Variants in CHD9 observed in about 807,000 individuals in gnomAD.
CHD9 encodes chromodomain helicase DNA binding protein 9.
Under a neutral mutation model 316.1 loss-of-function variants are expected in CHD9, and 77 were observed. The ratio of observed to expected loss-of-function variants is 0.24; its 90% CI spans 0.20 to 0.29. The LOEUF (loss-of-function observed/expected upper bound fraction) is 0.29. Ranked by LOEUF, CHD9 falls within the 10% of genes least tolerant of loss-of-function variation. The pLI is 1.00. For synonymous variants in CHD9, 1,129 were observed against 1,158.3 expected, an observed-to-expected ratio of 0.97 and a Z score of 0.51; for missense variants, 2,763 against 3,438.1, an observed-to-expected ratio of 0.80 and a Z score of 4.91.
chr16:53,063,042 A>G (rs554169010), intron 1 of CHD9, among the ~76,000 whole-genome samples: 3 of 152,258 alleles, frequency 2.0e-5, no homozygotes, highest in South Asian at 2.1e-4. Context: ...ATAAAAAATA[A>G]AAGAATTTTA....
At chr16:53,166,934 C>T (rs940684248) in intron 2 of CHD9, among the ~76,000 whole-genome samples, 1 of 152,036 alleles carries the variant, frequency 6.6e-6, no homozygotes, top group Non-Finnish European at 1.5e-5. Context: ...AATTTTTGAC[C>T]TGAACATGGT....
intron 1 of CHD9, among the ~76,000 whole-genome samples, chr16:53,104,811 C>CA (rs11391135): frequency 0.37 from 41,600 of 113,342 alleles, 7,656 homozygotes; most frequent in African/African-American, 0.58. Context: ...AACTCTGTCT[C>CA]AAAAAAAAAA....
At chr16:53,146,883 A>G (rs918630056) in intron 1 of CHD9, among the ~76,000 whole-genome samples, 2 of 151,886 alleles carry the variant, frequency 1.3e-5, no homozygotes, top group Admixed American at 1.3e-4. Flanking sequence ...CATAAACTCA[A>G]TGTCCAAATA....
intron 1 of CHD9, among the ~76,000 whole-genome samples, chr16:53,066,137 A>C (rs2033483836): frequency 6.6e-6 from 1 of 152,060 alleles, no homozygotes; most frequent in African/African-American, 2.4e-5. Flanking sequence ...CAGTTCCATC[A>C]CTTACTGGTT....
chr16:53,197,404 T>C (rs995279690), intron 2 of CHD9, among the ~76,000 whole-genome samples: 21 of 152,200 alleles, frequency 1.4e-4, no homozygotes, highest in Admixed American at 1.2e-3. Flanking sequence ...GATGTTTGTG[T>C]AGTCTACCTG....
intron 38 of CHD9, among the ~76,000 whole-genome samples, chr16:53,322,218 A>G (rs1355839874): frequency 6.6e-6 from 1 of 151,136 alleles, no homozygotes; most frequent in Non-Finnish European, 1.5e-5. Flanking sequence ...GCTGGTCTTG[A>G]ACTCCTGGCC....
At chr16:53,176,541 T>C (rs772195233) in intron 2 of CHD9, among the ~76,000 whole-genome samples, 4 of 152,318 alleles carry the variant, frequency 2.6e-5, no homozygotes, top group Non-Finnish European at 4.4e-5. Context: ...CAACAAGCCA[T>C]AAAGGTCAAT....
chr16:53,122,045 A>G (rs979478584), intron 1 of CHD9: 1 of 152,234 alleles, frequency 6.6e-6, no homozygotes, highest in Admixed American at 6.5e-5. Flanking sequence ...GAATCTGCAT[A>G]AAATGTGTAA....
chr16:53,055,496 C>CCCG (rs1234865657), intron 1 of CHD9, among the ~76,000 whole-genome samples: 1 of 151,278 alleles, frequency 6.6e-6, no homozygotes, highest in Non-Finnish European at 1.5e-5. Flanking sequence ...CCACCCCCGC[C>CCCG]CCCCCCCAGA....
At position 53,181,962 on chromosome 16, in the gene CHD9, C is replaced by G. The variant is rs1209354043; in HGVS notation, c.1452+24421C>G. Among the ~76,000 whole-genome samples the G allele has an allele frequency of 4.6e-5, 7 of 152,240 alleles. No individual in the cohort carries two copies. The East Asian group carries it at 1.4e-3, about 29-fold the overall frequency. On this transcript the variant is annotated intron_variant, in intron 2 of 38. Transcript: ENST00000447540. ...AGGCATGGTGGTGCATGCCTGTAAT[C>G]CCAGCTATCGGGAGGCTGAGGCAGG... is the stretch of plus-strand genomic sequence containing the variant.
intron 1 of CHD9, among the ~76,000 whole-genome samples, chr16:53,153,244 G>C (rs890703157): frequency 2.0e-5 from 3 of 152,188 alleles, no homozygotes; most frequent in African/African-American, 4.8e-5. Context: ...GAGGAAGAAA[G>C]AAGGGGGAGG....
Position 53,255,633 on chromosome 16 carries a change from C to G in CHD9, c.4063C>G (p.Leu1355Val). ...QQLSKKEIEDLLRRGAYGAIM... is the reference protein window; with the variant it reads ...QQLSKKEIEDVLRRGAYGAIM... Reference sequence around the variant, plus strand: ...GCTTTCCAAAAAGGAAATAGAAGATCTGCTTCGAAGAGGTGCTTATGGTGC... The same window carrying G: ...GCTTTCCAAAAAGGAAATAGAAGATGTGCTTCGAAGAGGTGCTTATGGTGC... Residue 1355 changes from leucine to valine, a missense_variant, in exon 19 of 39, where the codon CTG (leucine) becomes GTG (valine). Physicochemically the swap from Leu to Val is conservative, Grantham distance 32. Coordinates refer to ENST00000447540, the MANE Select transcript of CHD9 (RefSeq NM_001308319.2). 6.2e-7 allele frequency: 1 copy of G among 1,613,204 alleles called. No individual in the cohort carries two copies. Among genetic ancestry groups the G allele is most frequent in the Non-Finnish European group, 8.5e-7 (1 of 1,179,552 alleles).
At chr16:53,147,904 T>A (rs1438004141) in intron 1 of CHD9, among the ~76,000 whole-genome samples, 2 of 152,146 alleles carry the variant, frequency 1.3e-5, no homozygotes, top group Non-Finnish European at 2.9e-5. Context: ...TTAACTTTTT[T>A]AAATGTTTGC....
At chr16:53,208,130 C>T (rs960449956) in intron 2 of CHD9, 15 of 1,060,904 alleles carry the variant, frequency 1.4e-5, no homozygotes, top group Non-Finnish European at 1.4e-5. Context: ...ATAGGATGAA[C>T]AGTAGATATA....
intron 2 of CHD9, among the ~76,000 whole-genome samples, chr16:53,192,759 T>C (rs2044576739): frequency 6.6e-6 from 1 of 152,242 alleles, no homozygotes; most frequent in African/African-American, 2.4e-5. Flanking sequence ...GTTACTAGTC[T>C]GACTTCTGTT....
Position 53,247,566 on chromosome 16 carries a change from C to G in CHD9, c.3665+63C>G, listed in dbSNP as rs541990278. ...ATATGCTATTAAGATTTGTGCAGCACTGTAATGTAAATGAACTTTACTCAT... is the reference window on the plus strand; with the variant it reads ...ATATGCTATTAAGATTTGTGCAGCAGTGTAATGTAAATGAACTTTACTCAT... On this transcript the variant is annotated intron_variant, in intron 16 of 38. Transcript: ENST00000447540. The G allele has an allele frequency of 4.1e-5, 46 of 1,132,070 alleles. 1 individual carries two copies. The East Asian group carries it at 1.2e-3, about 29-fold the overall frequency. 70.1% of individuals were successfully genotyped at this position (1,132,070 alleles called of 1,614,324 possible). A position where few individuals can be genotyped will look rare whatever the true frequency, so the allele number is the denominator to read the frequency against.
At chr16:53,176,585 G>T (rs931368734) in intron 2 of CHD9, among the ~76,000 whole-genome samples, 4 of 152,044 alleles carry the variant, frequency 2.6e-5, no homozygotes. Context: ...AATTAACAAG[G>T]GACTGATTTA....
Position 53,156,109 on chromosome 16 carries a change from A to G in CHD9, c.20A>G (p.Asp7Gly), listed in dbSNP as rs2041504194. MTDPMM[D>G]FFDDANLFGE... is the part of the protein sequence containing the mutation. ...TTCAAGATGACAGATCCAATGATGG[A>G]CTTTTTTGATGATGCCAATCTTTTT... The change falls in exon 2 of 39, where the codon GAC becomes GGC. Residue 7 changes from aspartate (D) to glycine (G), a missense_variant. Asp to Gly is a moderately conservative substitution (Grantham distance 94). Coordinates refer to ENST00000447540, the MANE Select transcript of CHD9 (RefSeq NM_001308319.2). 6.2e-7 allele frequency: 1 copy of G among 1,612,830 alleles called. No individual in the cohort carries two copies.
intron 1 of CHD9, among the ~76,000 whole-genome samples, chr16:53,085,398 T>G (rs1231801773): frequency 6.6e-6 from 1 of 152,172 alleles, no homozygotes; most frequent in Admixed American, 6.5e-5. Flanking sequence ...TGTTGCCTGC[T>G]GTGCCTAAAG....
Sources: gnomAD v4.1 joint callset for allele counts (sites outside exome capture counted in the v4.1 genomes callset) on GRCh38, gnomAD v4.1.1 for gene constraint, MANE v1.5 for transcripts, NCBI Gene and HGNC (gene_info 2026-07-23, HGNC 2026-07-21) for gene names.